The following KANK1 variants were observed in gnomAD, a reference collection of about 807,000 sequenced individuals.
The protein encoded by KANK1 is KN motif and ankyrin repeat domains 1.
In KANK1, 109 loss-of-function variants were observed where a neutral mutation model predicts 106.2. The observed-to-expected ratio is 1.03, with a 90% confidence interval of 0.88 to 1.20. The LOEUF (loss-of-function observed/expected upper bound fraction) is 1.20, where lower values mean the gene tolerates loss of function less well. Ranked by LOEUF, KANK1 falls within the 50% of genes most tolerant of loss-of-function variation. The pLI, the probability that KANK1 is intolerant of heterozygous loss-of-function variation, is 0.00. For missense variants in KANK1, 2,399 were observed against 1,710.7 expected (o/e 1.40, Z -7.10); for synonymous variants, 873 against 652.2 (o/e 1.34, Z -5.16).
intron 9 of KANK1, 95 bp downstream of exon 9, chr9:741,029 C>G: frequency 1.4e-6 from 2 of 1,405,944 alleles, no homozygotes; most frequent in Non-Finnish European, 1.9e-6. Flanking sequence ...AGATGCCACG[C>G]TTCCACCACA....
chr9:496,647 G>A (rs1308536797), intron 3 of KANK1, among the ~76,000 whole-genome samples: 1 of 152,184 alleles, frequency 6.6e-6, no homozygotes, highest in Non-Finnish European at 1.5e-5. Flanking sequence ...CATTTTATAT[G>A]TCTCTCAAGC....
At chr9:710,662 C>T (rs1589104375) in intron 2 of KANK1, 142 bp from the exon 3 acceptor site, 1 of 483,620 alleles carries the variant, frequency 2.1e-6, no homozygotes, top group Non-Finnish European at 3.5e-6. Context: ...GCTTACCCAG[C>T]TGTTGTAGAT....
chr9:514,146 TC>T (rs2059162110), intron 1 of KANK1, among the ~76,000 whole-genome samples: 2 of 36,568 alleles, frequency 5.5e-5, no homozygotes, highest in African/African-American at 2.5e-4. Context: ...CTCCCTCCCT[TC>T]CTCTCTCCCT....
intron 1 of KANK1, among the ~76,000 whole-genome samples, chr9:543,086 C>T (rs1019089798): frequency 6.6e-6 from 1 of 152,050 alleles, no homozygotes; most frequent in Non-Finnish European, 1.5e-5. Flanking sequence ...TTTAATTTCA[C>T]GAGGTCTATG....
chr9:613,015 A>G (rs1427624986), intron 1 of KANK1, among the ~76,000 whole-genome samples: 2 of 152,182 alleles, frequency 1.3e-5, no homozygotes, highest in African/African-American at 4.8e-5. Flanking sequence ...AGGGGCATAC[A>G]AAATAAAATT....
chr9:625,505 T>G (rs2136545301), intron 1 of KANK1, among the ~76,000 whole-genome samples: 1 of 152,314 alleles, frequency 6.6e-6, no homozygotes, highest in African/African-American at 2.4e-5. Flanking sequence ...TACAGGAAAC[T>G]TCTGGGTTGG....
intron 1 of KANK1, among the ~76,000 whole-genome samples, chr9:604,887 C>A (rs901639349): frequency 2.6e-5 from 4 of 151,816 alleles, no homozygotes; most frequent in African/African-American, 9.7e-5. Context: ...AACTGTGAGT[C>A]AATTAAACCT....
At chr9:723,411 T>G (rs1420188074) in intron 3 of KANK1, among the ~76,000 whole-genome samples, 2 of 152,140 alleles carry the variant, frequency 1.3e-5, no homozygotes, top group Non-Finnish European at 2.9e-5. Context: ...ACAGAGGTGG[T>G]TACACAGGCG....
chr9:474,744 G>A (rs1396447666), intron 3 of KANK1, among the ~76,000 whole-genome samples: 3 of 152,126 alleles, frequency 2.0e-5, no homozygotes, highest in African/African-American at 7.2e-5. Context: ...GTTGAGCAGG[G>A]GGAGATCAGA....
intron 3 of KANK1, among the ~76,000 whole-genome samples, chr9:724,756 C>T (rs1236609944): frequency 2.6e-5 from 4 of 151,708 alleles, no homozygotes; most frequent in African/African-American, 7.3e-5. Flanking sequence ...GAGCAGAGAT[C>T]GCGCCACTGC....
In KANK1 at chr9:745,218, C is replaced by G. The variant is rs775624528; in HGVS notation, c.4042C>G (p.Arg1348Gly). 1.2e-6 allele frequency: 2 copies of G among 1,613,994 alleles called. No individual in the cohort carries two copies. Among genetic ancestry groups the G allele is most frequent in the Non-Finnish European group, 1.7e-6 (2 of 1,180,000 alleles). Reference sequence around the variant, plus strand: ...GAAGACGTCTCCTGGCCCCACCCACCGAGGTTCATTTGATTGATTGTATGC... The same window carrying G: ...GAAGACGTCTCCTGGCCCCACCCACGGAGGTTCATTTGATTGATTGTATGC... ...GRKTSPGPTH[R>G]GSFD The change falls in exon 12 of 12, where the codon CGA becomes GGA. Residue 1348 changes from arginine to glycine, a missense_variant. Physicochemically the swap from Arg to Gly is moderately radical, Grantham distance 125. Transcript: ENST00000382297.
intron 1 of KANK1, among the ~76,000 whole-genome samples, chr9:661,228 G>A (rs62530111): frequency 0.84 from 126,697 of 151,140 alleles, 53,256 homozygotes; most frequent in East Asian, 0.97. Context: ...GTACCCATTA[G>A]CTCGTCATTT....
intron 1 of KANK1, among the ~76,000 whole-genome samples, chr9:606,581 T>C (rs1829229206): frequency 9.3e-6 from 1 of 107,026 alleles, no homozygotes; most frequent in African/African-American, 3.7e-5. Context: ...TGTGTGTGTT[T>C]TATAAACCTA....
intron 1 of KANK1, chr9:549,672 C>T (rs62531493): frequency 0.033 from 5,103 of 152,712 alleles, 152 homozygotes; most frequent in Admixed American, 0.08. Flanking sequence ...TTTCCTCCCT[C>T]TGCCCAAGCC....
intron 1 of KANK1, among the ~76,000 whole-genome samples, chr9:532,237 CTT>C (rs34351693): frequency 4.7e-4 from 51 of 107,768 alleles, no homozygotes; most frequent in East Asian, 1.1e-3. Context: ...GAGCATTTGT[CTT>C]TTTTTTTTTT....
intron 1 of KANK1, among the ~76,000 whole-genome samples, chr9:575,765 T>C (rs2007285): frequency 0.046 from 7,035 of 152,344 alleles, 220 homozygotes; most frequent in Non-Finnish European, 0.067. Context: ...CTCATGCCTG[T>C]AATCCCAGCA....
At position 676,789 on chromosome 9, in the gene KANK1, C is replaced by T. The variant is rs186176448; in HGVS notation, c.-83-101C>T. The T allele has an allele frequency of 1.3e-4, 71 of 548,458 alleles. No individual in the cohort carries two copies. The Admixed American group carries it at 2.3e-3, about 18-fold the overall frequency. 34.0% of individuals were successfully genotyped at this position (548,458 alleles called of 1,614,324 possible). A position where few individuals can be genotyped will look rare whatever the true frequency, so the allele number is the denominator to read the frequency against. Reference sequence around the variant, plus strand: ...AGTCTTTCTCCCCCCATTCCGATTTCCTTTCTCTGTTAGCAGTCATCTTTG... The same window carrying T: ...AGTCTTTCTCCCCCCATTCCGATTTTCTTTCTCTGTTAGCAGTCATCTTTG... On this transcript the variant is annotated intron_variant, in intron 1 of 11. Coordinates refer to ENST00000382297, the MANE Select transcript of KANK1 (RefSeq NM_015158.5).
intron 1 of KANK1, among the ~76,000 whole-genome samples, chr9:628,973 A>G (rs12339054): frequency 0.16 from 23,436 of 150,770 alleles, 2,024 homozygotes; most frequent in Admixed American, 0.18. Context: ...CCAGCTACTC[A>G]GGAGGCTGAG....
At chr9:663,473 A>G (rs1343022464) in intron 1 of KANK1, among the ~76,000 whole-genome samples, 2 of 152,222 alleles carry the variant, frequency 1.3e-5, no homozygotes, top group Non-Finnish European at 2.9e-5. Flanking sequence ...ACCGAGTCAT[A>G]AAATTATTTT....
Sources: allele counts gnomAD v4.1 joint callset (sites outside exome capture counted in the v4.1 genomes callset), GRCh38; gene constraint gnomAD v4.1.1; transcripts MANE v1.5; gene names NCBI Gene and HGNC (gene_info 2026-07-23, HGNC 2026-07-21).